The following RNF180 variants were observed in gnomAD, a reference collection of about 807,000 sequenced individuals.
The protein encoded by RNF180 is ring finger protein 180, also known as E3 ubiquitin-protein ligase RNF180.
RNF180 carries 38 observed loss-of-function variants against 59.2 expected under a neutral mutation model. The observed-to-expected ratio is 0.64, with a 90% CI of 0.50 to 0.84. RNF180 has a LOEUF of 0.84. Ranked by LOEUF, RNF180 falls within the 40% of genes least tolerant of loss-of-function variation. The pLI is 0.00. For synonymous variants in RNF180, 262 were observed against 240.3 expected (o/e 1.09, Z -0.84); for missense variants, 705 against 700.9 (o/e 1.01, Z -0.07).
intron 5 of RNF180, among the ~76,000 whole-genome samples, chr5:64,236,044 TG>T (rs1485963649): frequency 6.6e-6 from 1 of 152,194 alleles, no homozygotes; most frequent in African/African-American, 2.4e-5. Context: ...CCTGAAAATG[TG>T]GAAGCAACTT....
intron 4 of RNF180, among the ~76,000 whole-genome samples, chr5:64,216,770 C>T (rs1003731676): frequency 2.0e-5 from 3 of 152,294 alleles, no homozygotes; most frequent in South Asian, 4.1e-4. Flanking sequence ...TGGGGAAAGA[C>T]GTAGCACTGA....
rs748733531 is a variant in RNF180 at position 64,214,330 on chromosome 5, T to G, written c.1004T>G (p.Leu335Arg). ...AACAATCTGACTTTCCTGATGGACC[T>G]GCCCTCAGCTGGCAGGAGCATGCCG... ...NTNNLTFLMD[L>R]PSAGRSMPEA... Residue 335 changes from leucine (L) to arginine (R), a missense_variant, in exon 4 of 8, where the codon CTG becomes CGG. Transcript: ENST00000389100. The G allele has an allele frequency of 6.5e-5, 105 of 1,613,922 alleles. No individual in the cohort carries two copies. The highest frequency in any genetic ancestry group is 7.9e-5 in the Non-Finnish European group (93 of 1,179,982).
chr5:64,207,583 T>C (rs564265106), intron 2 of RNF180, among the ~76,000 whole-genome samples: 3 of 152,146 alleles, frequency 2.0e-5, no homozygotes, highest in Non-Finnish European at 4.4e-5. Context: ...TGGGAGGAAG[T>C]AACATGACTT....
At chr5:64,329,996 G>A (rs1270445875) in intron 6 of RNF180, among the ~76,000 whole-genome samples, 4 of 152,144 alleles carry the variant, frequency 2.6e-5, no homozygotes, top group Non-Finnish European at 5.9e-5. Flanking sequence ...GGTGAGGGAC[G>A]ATGTCCTATT....
At chr5:64,354,969 C>A (rs1197278096) in intron 7 of RNF180, among the ~76,000 whole-genome samples, 2 of 151,892 alleles carry the variant, frequency 1.3e-5, no homozygotes, top group East Asian at 3.9e-4. Flanking sequence ...TAACACCACA[C>A]ATTTGTGAAA....
chr5:64,305,771 T>C (rs1279326053), intron 5 of RNF180, among the ~76,000 whole-genome samples: 1 of 151,520 alleles, frequency 6.6e-6, no homozygotes, highest in East Asian at 1.9e-4. Flanking sequence ...TTATTTCTCA[T>C]GTTTCATGTT....
At chr5:64,357,053 C>T (rs780299755) in intron 7 of RNF180, among the ~76,000 whole-genome samples, 1 of 151,536 alleles carries the variant, frequency 6.6e-6, no homozygotes, top group East Asian at 2.0e-4. Flanking sequence ...GGTTATTGAA[C>T]CGAAACAAAA....
intron 5 of RNF180, among the ~76,000 whole-genome samples, chr5:64,252,474 T>C (rs116440078): frequency 1.2e-3 from 184 of 152,308 alleles, no homozygotes; most frequent in African/African-American, 4.3e-3. Flanking sequence ...GTAATACATA[T>C]ATTAATTATC....
chr5:64,227,034 C>T (rs1487027623), intron 5 of RNF180, among the ~76,000 whole-genome samples: 4 of 152,178 alleles, frequency 2.6e-5, no homozygotes, highest in Admixed American at 2.0e-4. Flanking sequence ...ATGAGACTGA[C>T]GAGACTTCAC....
intron 2 of RNF180, among the ~76,000 whole-genome samples, chr5:64,202,535 A>G (rs916711462): frequency 6.6e-6 from 1 of 152,150 alleles, no homozygotes; most frequent in Admixed American, 6.5e-5. Flanking sequence ...GGGGGTAGGT[A>G]TAGTTTAATT....
chr5:64,339,875 C>G (rs1229908916), intron 7 of RNF180, among the ~76,000 whole-genome samples: 1 of 151,914 alleles, frequency 6.6e-6, no homozygotes, highest in East Asian at 1.9e-4. Context: ...TTTCTTCTTA[C>G]AAATACATAT....
intron 5 of RNF180, among the ~76,000 whole-genome samples, chr5:64,224,963 C>T (rs1469111311): frequency 1.3e-5 from 2 of 152,228 alleles, no homozygotes; most frequent in Non-Finnish European, 2.9e-5. Flanking sequence ...ATGCTGGTCC[C>T]TTGACCTTGG....
chr5:64,234,578 C>CTTTTTTTTTTT lies in RNF180; in HGVS notation c.1227+17211_1227+17221dup, dbSNP rs1171637074. On this transcript the variant is annotated intron_variant, in intron 5 of 7. Transcript: ENST00000389100. Reference sequence around the variant, plus strand: ...GCTTTCCAAATGGCAGTTACCCGTTCTTTTTTTTTTTTTTTTTTTTTTTTT... The same window carrying CTTTTTTTTTTT: ...GCTTTCCAAATGGCAGTTACCCGTTCTTTTTTTTTTTTTTTTTTTTTTTTTTTTTTTTTTTT... 2.8e-3 allele frequency among the ~76,000 whole-genome samples: 138 copies of CTTTTTTTTTTT among 48,524 alleles called. 53 individuals are homozygous for CTTTTTTTTTTT. Among genetic ancestry groups the CTTTTTTTTTTT allele is most frequent in the Non-Finnish European group, 4.6e-3 (119 of 26,118 alleles). 31.8% of individuals were successfully genotyped at this position (48,524 alleles called of 152,430 possible).
intron 2 of RNF180, among the ~76,000 whole-genome samples, chr5:64,207,743 A>G (rs1489861994): frequency 6.6e-6 from 1 of 152,152 alleles, no homozygotes; most frequent in East Asian, 1.9e-4. Context: ...TTTTACCCTT[A>G]AAGTACCTTC....
chr5:64,364,377 T>C (rs1436773845), intron 7 of RNF180, among the ~76,000 whole-genome samples: 2 of 151,870 alleles, frequency 1.3e-5, no homozygotes, highest in Non-Finnish European at 2.9e-5. Flanking sequence ...ATCACATTTA[T>C]TGATCCACAT....
chr5:64,188,931 G>A (rs780388803), intron 1 of RNF180, among the ~76,000 whole-genome samples: 33 of 152,012 alleles, frequency 2.2e-4, no homozygotes, highest in Non-Finnish European at 3.4e-4. Flanking sequence ...AGGTCATAAA[G>A]GGAAAGTTAA....
chr5:64,322,473 T>G (rs553270449), intron 5 of RNF180, among the ~76,000 whole-genome samples: 5 of 152,050 alleles, frequency 3.3e-5, no homozygotes, highest in African/African-American at 1.2e-4. Flanking sequence ...AGAATGGCGA[T>G]TATTAAAAAG....
At chr5:64,165,715 G>A (rs1749585092), upstream of RNF180, 2 of 152,204 alleles carry the variant, frequency 1.3e-5, no homozygotes, top group South Asian at 4.1e-4. Flanking sequence ...GCAGACGTGG[G>A]GCGAGCAGGG....
At chr5:64,267,463 T>C (rs1744747091) in intron 5 of RNF180, among the ~76,000 whole-genome samples, 1 of 152,098 alleles carries the variant, frequency 6.6e-6, no homozygotes, top group South Asian at 2.1e-4. Flanking sequence ...TAATTCGTCA[T>C]CTAGCATTAG....
Sources: gnomAD v4.1 joint callset for allele counts (sites outside exome capture counted in the v4.1 genomes callset) on GRCh38, gnomAD v4.1.1 for gene constraint, MANE v1.5 for transcripts, NCBI Gene and HGNC (gene_info 2026-07-23, HGNC 2026-07-21) for gene names.